Variants in SNX5 observed in about 807,000 individuals in gnomAD.
SNX5 encodes sorting nexin 5.
Under a neutral mutation model 53.9 loss-of-function variants are expected in SNX5, and 31 were observed. That is an observed-to-expected ratio of 0.58 (90% CI 0.43 to 0.78). The LOEUF (loss-of-function observed/expected upper bound fraction) is 0.78. Ranked by LOEUF, SNX5 falls within the 30% of genes least tolerant of loss-of-function variation. The probability of loss-of-function intolerance (pLI) is 0.00; values close to 1 mark genes in which losing one functional copy is unlikely to be tolerated. For missense variants in SNX5, 471 were observed against 478.8 expected (o/e 0.98, Z 0.15); for synonymous variants, 168 against 171.1 (o/e 0.98, Z 0.14).
At chr20:17,968,065 G>A in intron 1 of SNX5, 1 of 398,664 alleles carries the variant, frequency 2.5e-6, no homozygotes, top group Non-Finnish European at 4.4e-6. Flanking sequence ...GCCGAGGAAA[G>A]TTTTAAAAAG....
intron 1 of SNX5, among the ~76,000 whole-genome samples, chr20:17,966,312 A>G (rs2122434886): frequency 1.3e-5 from 2 of 152,028 alleles, no homozygotes; most frequent in South Asian, 4.2e-4. Context: ...TTGAACCCAG[A>G]AAGCGGAAGT....
At chr20:17,954,213 C>G in intron 3 of SNX5, 96 bp from the exon 4 acceptor site, 2 of 1,540,620 alleles carry the variant, frequency 1.3e-6, no homozygotes, top group Non-Finnish European at 8.7e-7. Flanking sequence ...CAGGAGACAA[C>G]CACTCCACTC....
chr20:17,958,773 TA>T (rs2035404720), intron 1 of SNX5, among the ~76,000 whole-genome samples: 1 of 152,214 alleles, frequency 6.6e-6, no homozygotes, highest in Non-Finnish European at 1.5e-5. Flanking sequence ...TATTTTCTGA[TA>T]AGAGCTTCCT....
chr20:17,953,815 G>C (rs1418672662), intron 4 of SNX5, among the ~76,000 whole-genome samples, 181 bp downstream of exon 4: 1 of 152,160 alleles, frequency 6.6e-6, no homozygotes, highest in Non-Finnish European at 1.5e-5. Flanking sequence ...AATGTGTGAA[G>C]TACAAAGACC....
At chr20:17,945,914 T>G (rs1397186761) in intron 11 of SNX5, among the ~76,000 whole-genome samples, 2 of 152,084 alleles carry the variant, frequency 1.3e-5, no homozygotes, top group Admixed American at 1.3e-4. Context: ...AAAAACTAAG[T>G]AAGATATGAA....
intron 11 of SNX5, chr20:17,945,635 G>C (rs1018321865): frequency 4.7e-5 from 7 of 149,150 alleles, no homozygotes; most frequent in Non-Finnish European, 1.5e-5. Context: ...AAAAAAAAAA[G>C]CTGTAATTGT....
Position 17,968,480 on chromosome 20 carries a change from G to T in SNX5, c.-55C>A. On this transcript the variant is annotated 5_prime_UTR_variant, in exon 1 of 13. Transcript: ENST00000377759. ...TGGCTGTGCGAGGAAAGAAGAAGCTGGGCCGCCGCCGCCGCCGCCTGGGCG... is the reference window on the plus strand; with the variant it reads ...TGGCTGTGCGAGGAAAGAAGAAGCTTGGCCGCCGCCGCCGCCGCCTGGGCG... 1 of 1,287,024 alleles carries T rather than the reference G, an allele frequency of 7.8e-7. No individual in the cohort carries two copies. The highest frequency in any genetic ancestry group is 9.9e-7 in the Non-Finnish European group (1 of 1,014,818). 79.7% of individuals were successfully genotyped at this position (1,287,024 alleles called of 1,614,324 possible).
Position 17,955,502 on chromosome 20 carries a change from G to A in SNX5, c.157-27C>T, listed in dbSNP as rs754337097. On this transcript the variant is annotated intron_variant, in intron 2 of 12. Transcript: ENST00000377759. Reference sequence around the variant, plus strand: ...TGTAAAGAAAGAAAGAAGTTAACTGGTAACCACGACTTTTAGATAAGTGAT... The same window carrying A: ...TGTAAAGAAAGAAAGAAGTTAACTGATAACCACGACTTTTAGATAAGTGAT... The A allele has an allele frequency of 5.0e-5, 76 of 1,529,968 alleles. No homozygotes were observed. In the South Asian group the frequency reaches 8.0e-4, roughly 16 times the overall value. 94.8% of individuals were successfully genotyped at this position (1,529,968 alleles called of 1,614,324 possible). A position where few individuals can be genotyped will look rare whatever the true frequency, so the allele number is the denominator to read the frequency against.
At chr20:17,954,179 C>T (rs2035314694) in intron 3 of SNX5, 62 bp from the exon 4 acceptor site, 4 of 1,597,286 alleles carry the variant, frequency 2.5e-6, no homozygotes, top group Non-Finnish European at 3.4e-6. Context: ...CTAGTTGGTG[C>T]CTCATTCTAC....
chr20:17,967,802 G>C, intron 1 of SNX5: 1 of 352,260 alleles, frequency 2.8e-6, no homozygotes, highest in Non-Finnish European at 5.1e-6. Context: ...CTTAAAAATA[G>C]ACACCAAGTT....
Position 17,946,103 on chromosome 20 carries a change from T to G in SNX5, c.1078+1383A>C, listed in dbSNP as rs1050948015. ...TAAGGACTACATATTATACTCATGT[T>G]CAATAGAAATGGTGAAAGTCCTCTG... On this transcript the variant is annotated intron_variant, in intron 11 of 12. Coordinates refer to ENST00000377759, the MANE Select transcript of SNX5 (RefSeq NM_014426.4). Among the ~76,000 whole-genome samples the G allele has an allele frequency of 3.3e-5, 5 of 152,202 alleles. No homozygotes were observed. The East Asian group carries it at 9.6e-4, about 29-fold the overall frequency.
chr20:17,949,079 T>A lies in SNX5; in HGVS notation c.816A>T (p.Leu272=), dbSNP rs148084267. ...AAATCCTTACCCTTAGTTTTTCAAATAGCTCAGCAACCTTCAATAGGTACC... is the reference window on the plus strand; with the variant it reads ...AAATCCTTACCCTTAGTTTTTCAAAAAGCTCAGCAACCTTCAATAGGTACC... The part of the protein sequence containing the change: ...IKKYLLKVAE[L]FEKLRKVEGR... The change falls in exon 9 of 13, where the codon CTA becomes CTT. Residue 272 remains leucine, a synonymous_variant. Coordinates refer to ENST00000377759, the MANE Select transcript of SNX5 (RefSeq NM_014426.4). The A allele has an allele frequency of 1.2e-6, 2 of 1,613,366 alleles. No homozygotes were observed. Among genetic ancestry groups the A allele is most frequent in the Non-Finnish European group, 1.7e-6 (2 of 1,179,732 alleles).
At position 17,951,543 on chromosome 20, in the gene SNX5, C is replaced by T; in HGVS notation, c.566G>A (p.Ser189Asn). ...TKEMFGGFFK[S>N]VVKSADEVLF... ...GACTTCATCAGCACTTTTCACCACA[C>T]TTTTGAAGAAGCCACCAAACATCTC... The change falls in exon 6 of 13, where the codon AGT (serine) becomes AAT (asparagine). Residue 189 changes from serine (S) to asparagine (N), a missense_variant. Coordinates refer to ENST00000377759, the MANE Select transcript of SNX5 (RefSeq NM_014426.4). The T allele has an allele frequency of 6.2e-7, 1 of 1,612,492 alleles. No homozygotes were observed. The highest frequency in any genetic ancestry group is 1.1e-5 in the South Asian group (1 of 91,014).
intron 1 of SNX5, chr20:17,962,120 C>A: frequency 2.9e-6 from 1 of 345,104 alleles, no homozygotes; most frequent in Non-Finnish European, 4.1e-6. Flanking sequence ...TATCTGTGTT[C>A]AATCTCAGCT....
rs909732542 is a variant in SNX5 at position 17,949,067 on chromosome 20, T to C, written c.828A>G (p.Leu276=). ...LLKVAELFEK[L]RKVEGRVSSD... is the part of the protein sequence containing the mutation. ...AGACCAACACAGAAATCCTTACCCT[T>C]AGTTTTTCAAATAGCTCAGCAACCT... Residue 276 remains leucine, a synonymous_variant, in exon 9 of 13, where the codon CTA becomes CTG. Transcript: ENST00000377759. 1 of 1,613,202 alleles carries C rather than the reference T, an allele frequency of 6.2e-7. No individual in the cohort carries two copies. Among genetic ancestry groups the C allele is most frequent in the African/African-American group, 1.3e-5 (1 of 75,020 alleles).
intron 1 of SNX5, among the ~76,000 whole-genome samples, chr20:17,959,430 A>G (rs2122403531): frequency 6.6e-6 from 1 of 152,338 alleles, no homozygotes; most frequent in Non-Finnish European, 1.5e-5. Flanking sequence ...CTAGGTTATG[A>G]GTGACTGCAA....
At chr20:17,965,192 A>C (rs2035517812) in intron 1 of SNX5, among the ~76,000 whole-genome samples, 1 of 152,112 alleles carries the variant, frequency 6.6e-6, no homozygotes, top group Non-Finnish European at 1.5e-5. Flanking sequence ...TCAAACAGGC[A>C]ATTTTGACTT....
intron 1 of SNX5, among the ~76,000 whole-genome samples, chr20:17,964,616 T>G (rs2122427148): frequency 6.6e-6 from 1 of 152,268 alleles, no homozygotes; most frequent in Middle Eastern, 3.4e-3. Flanking sequence ...GAAACTTAAT[T>G]TACACTTTAA....
intron 11 of SNX5, chr20:17,943,707 T>C (rs1299191948): frequency 6.5e-6 from 1 of 154,114 alleles, no homozygotes; most frequent in African/African-American, 2.4e-5. Flanking sequence ...GAAAGATCAG[T>C]GTTAGCAACA....
Sources: allele counts gnomAD v4.1 joint callset (sites outside exome capture counted in the v4.1 genomes callset), GRCh38; gene constraint gnomAD v4.1.1; transcripts MANE v1.5; gene names NCBI Gene and HGNC (gene_info 2026-07-23, HGNC 2026-07-21).